Variants in SUGCT observed in about 807,000 individuals in gnomAD.
The protein encoded by SUGCT is succinyl-CoA:glutarate-CoA transferase.
SUGCT carries 41 observed loss-of-function variants against 55.0 expected under a neutral mutation model. The ratio of observed to expected loss-of-function variants is 0.74; its 90% CI spans 0.58 to 0.97. The LOEUF (loss-of-function observed/expected upper bound fraction) is 0.97, where lower values mean the gene tolerates loss of function less well. SUGCT is among the 50% of genes least tolerant of loss of function. The pLI, the probability that SUGCT is intolerant of heterozygous loss-of-function variation, is 0.00. For missense variants in SUGCT, 568 were observed against 547.8 expected (o/e 1.04, Z -0.37); for synonymous variants, 187 against 200.4 (o/e 0.93, Z 0.56).
At chr7:40,262,262 C>A (rs1791265396) in intron 7 of SUGCT, among the ~76,000 whole-genome samples, 1 of 152,098 alleles carries the variant, frequency 6.6e-6, no homozygotes, top group Non-Finnish European at 1.5e-5. Context: ...GCCATACCTC[C>A]CTGAACGTGC....
chr7:40,733,097 G>A (rs776282373), intron 12 of SUGCT, among the ~76,000 whole-genome samples: 4 of 152,106 alleles, frequency 2.6e-5, no homozygotes, highest in Non-Finnish European at 5.9e-5. Flanking sequence ...AAAAGAAATT[G>A]TGAGCCAAGT....
intron 11 of SUGCT, among the ~76,000 whole-genome samples, chr7:40,483,726 A>G (rs978693273): frequency 6.6e-6 from 1 of 151,854 alleles, no homozygotes; most frequent in African/African-American, 2.4e-5. Context: ...AAACAGGACA[A>G]CCCTCAACAT....
At chr7:40,510,451 G>C (rs1370177198) in intron 12 of SUGCT, among the ~76,000 whole-genome samples, 1 of 152,138 alleles carries the variant, frequency 6.6e-6, no homozygotes, top group Non-Finnish European at 1.5e-5. Context: ...TTCAGAAAGA[G>C]AGATAAAGTA....
intron 13 of SUGCT, among the ~76,000 whole-genome samples, chr7:40,763,386 G>A (rs558365268): frequency 6.6e-6 from 1 of 152,286 alleles, no homozygotes; most frequent in African/African-American, 2.4e-5. Context: ...GAAAGTCACA[G>A]AGTCAGAATT....
chr7:40,483,466 T>C (rs1363848617), intron 11 of SUGCT, among the ~76,000 whole-genome samples: 3 of 152,214 alleles, frequency 2.0e-5, no homozygotes. Flanking sequence ...TCATTTAACT[T>C]ATCATAATAA....
chr7:40,429,274 G>A (rs1315576422), intron 9 of SUGCT, among the ~76,000 whole-genome samples: 1 of 152,056 alleles, frequency 6.6e-6, no homozygotes, highest in Non-Finnish European at 1.5e-5. Flanking sequence ...TGTATCCTCT[G>A]AACTGCATCT....
intron 12 of SUGCT, among the ~76,000 whole-genome samples, chr7:40,585,326 A>G (rs779286694): frequency 9.2e-5 from 14 of 152,198 alleles, no homozygotes; most frequent in Non-Finnish European, 1.8e-4. Context: ...ATATTCTGAA[A>G]TGAGTCTTCC....
intron 9 of SUGCT, among the ~76,000 whole-genome samples, chr7:40,356,080 C>T (rs1009382484): frequency 1.3e-5 from 2 of 152,158 alleles, no homozygotes; most frequent in Non-Finnish European, 2.9e-5. Flanking sequence ...GCATCAAGGT[C>T]TGAAGAACAC....
intron 9 of SUGCT, among the ~76,000 whole-genome samples, chr7:40,317,713 A>G (rs948858594): frequency 2.0e-5 from 3 of 152,244 alleles, no homozygotes; most frequent in African/African-American, 7.2e-5. Flanking sequence ...CAGGAAATTC[A>G]TCAACCCTGC....
rs115152599 is a variant in SUGCT at position 40,251,150 on chromosome 7, A to C, written c.576+13424A>C. Among the ~76,000 whole-genome samples the C allele has an allele frequency of 6.0e-3, 916 of 151,992 alleles. 9 individuals are homozygous for C. Among genetic ancestry groups the C allele is most frequent in the African/African-American group, 0.021 (866 of 41,456 alleles). On this transcript the variant is annotated intron_variant, in intron 7 of 13. Transcript: ENST00000335693. The stretch of plus-strand genomic sequence containing the variant: ...TGCCTCATTTCATGCTTCTTTAACT[A>C]TTACCTACATGTTCCATCATGTATT...
At chr7:41,029,128 G>A in the SUGCT span, among the ~76,000 whole-genome samples, 1 of 152,040 alleles carries the variant, frequency 6.6e-6, no homozygotes, top group Non-Finnish European at 1.5e-5. Context: ...GGGAGCCCTC[G>A]TGAGGACTCC....
chr7:40,935,693 A>G, the SUGCT span, among the ~76,000 whole-genome samples: 1 of 152,224 alleles, frequency 6.6e-6, no homozygotes, highest in Non-Finnish European at 1.5e-5. Flanking sequence ...TATGAATAAT[A>G]CTGCTATTTG....
intron 12 of SUGCT, among the ~76,000 whole-genome samples, chr7:40,696,525 A>C (rs969756299): frequency 3.3e-5 from 5 of 152,186 alleles, no homozygotes; most frequent in Admixed American, 6.5e-5. Context: ...ACCCAAAGCC[A>C]AAACTAGCCA....
At chr7:40,560,698 T>G (rs1313145685) in intron 12 of SUGCT, among the ~76,000 whole-genome samples, 1 of 152,262 alleles carries the variant, frequency 6.6e-6, no homozygotes, top group Non-Finnish European at 1.5e-5. Flanking sequence ...ATGTCTTTAT[T>G]TATTTACTTC....
the SUGCT span, among the ~76,000 whole-genome samples, chr7:40,973,331 A>G: frequency 4.1e-4 from 63 of 152,348 alleles, no homozygotes; most frequent in Non-Finnish European, 7.3e-4. Flanking sequence ...TTGTCAAATA[A>G]CAAAATTATT....
intron 12 of SUGCT, among the ~76,000 whole-genome samples, chr7:40,566,038 A>G (rs1241092696): frequency 6.6e-6 from 1 of 151,360 alleles, no homozygotes; most frequent in African/African-American, 2.4e-5. Context: ...TATAAGCTTC[A>G]TAAACTCAGG....
chr7:40,340,604 A>C (rs1796991728), intron 9 of SUGCT, among the ~76,000 whole-genome samples: 1 of 152,214 alleles, frequency 6.6e-6, no homozygotes, highest in East Asian at 1.9e-4. Flanking sequence ...TAAAAGAAGC[A>C]AAAGTAGGGG....
intron 12 of SUGCT, among the ~76,000 whole-genome samples, chr7:40,715,808 C>A (rs1785990865): frequency 6.6e-6 from 1 of 152,284 alleles, no homozygotes; most frequent in South Asian, 2.1e-4. Context: ...CTGTATCAGC[C>A]AAGTGATTCT....
At chr7:40,504,595 C>T (rs138878668) in intron 12 of SUGCT, among the ~76,000 whole-genome samples, 77 of 151,982 alleles carry the variant, frequency 5.1e-4, no homozygotes, top group Admixed American at 7.2e-4. Flanking sequence ...CCACCACACC[C>T]GCTAATTTTT....
Sources: gnomAD v4.1 joint callset for allele counts (sites outside exome capture counted in the v4.1 genomes callset) on GRCh38, gnomAD v4.1.1 for gene constraint, MANE v1.5 for transcripts, NCBI Gene and HGNC (gene_info 2026-07-23, HGNC 2026-07-21) for gene names.